LSAMP: variants seen among roughly 807,000 people sequenced by gnomAD.
LSAMP encodes the protein limbic system-associated membrane protein.
LSAMP carries 7 observed loss-of-function variants against 38.6 expected under a neutral mutation model. That is an observed-to-expected ratio of 0.18 (90% confidence interval 0.10 to 0.34). The LOEUF (loss-of-function observed/expected upper bound fraction) is 0.34, where lower values mean the gene tolerates loss of function less well. Among genes scored for constraint, LSAMP ranks in the 10% least tolerant of loss-of-function variants. The pLI is 1.00. For missense variants in LSAMP, 313 were observed against 420.0 expected (o/e 0.75, Z 2.23); for synonymous variants, 154 against 166.8 (o/e 0.92, Z 0.59).
At chr3:115,854,954 T>C (rs1023296289) in intron 3 of LSAMP, among the ~76,000 whole-genome samples, 5 of 152,224 alleles carry the variant, frequency 3.3e-5, no homozygotes, top group African/African-American at 1.2e-4. Context: ...AAATAGTTAA[T>C]AATAATTTCA....
chr3:116,260,413 A>G (rs543597981), intron 1 of LSAMP, among the ~76,000 whole-genome samples: 29 of 152,014 alleles, frequency 1.9e-4, no homozygotes, highest in African/African-American at 7.0e-4. Context: ...TATAAATAAT[A>G]ATGAACTGCT....
At chr3:115,892,943 G>T (rs191556598) in intron 3 of LSAMP, among the ~76,000 whole-genome samples, 115 of 151,800 alleles carry the variant, frequency 7.6e-4, no homozygotes, top group African/African-American at 2.6e-3. Context: ...GGGTATGGGA[G>T]TATGTGAAGC....
intron 1 of LSAMP, among the ~76,000 whole-genome samples, chr3:116,440,076 C>T (rs1404865928): frequency 6.6e-6 from 1 of 152,194 alleles, no homozygotes; most frequent in Non-Finnish European, 1.5e-5. Flanking sequence ...AAGAGACTTG[C>T]TTAAAGTTAC....
intron 2 of LSAMP, among the ~76,000 whole-genome samples, chr3:116,071,335 G>GT (rs1311919036): frequency 0.081 from 11,565 of 142,098 alleles, 1,271 homozygotes; most frequent in African/African-American, 0.25. Context: ...AATCATGAGG[G>GT]TTTTTTTTTT....
intron 2 of LSAMP, among the ~76,000 whole-genome samples, chr3:116,057,932 TACACACACACACACACACACACACCCAC>T (rs1366780044): frequency 7.3e-6 from 1 of 136,660 alleles, no homozygotes; most frequent in Non-Finnish European, 1.6e-5. Context: ...ATATAGTAGC[TACACACACACACACACACACACACCCAC>T]ACACACACAC....
At chr3:116,204,656 G>A (rs1294659493) in intron 1 of LSAMP, among the ~76,000 whole-genome samples, 1 of 151,970 alleles carries the variant, frequency 6.6e-6, no homozygotes, top group Non-Finnish European at 1.5e-5. Flanking sequence ...TATTAATTAG[G>A]GAATCCTTTC....
chr3:116,064,785 A>G (rs530591608), intron 2 of LSAMP, among the ~76,000 whole-genome samples: 2 of 152,310 alleles, frequency 1.3e-5, no homozygotes, highest in South Asian at 2.1e-4. Flanking sequence ...ATAGAAAAGG[A>G]AACTCCAGCA....
Position 116,070,402 on chromosome 3 carries a change from C to A in LSAMP, c.388+15922G>T, listed in dbSNP as rs535497451. 2.6e-5 allele frequency among the ~76,000 whole-genome samples: 4 copies of A among 152,140 alleles called. No homozygotes were observed. The South Asian group carries it at 8.3e-4, about 32-fold the overall frequency. On this transcript the variant is annotated intron_variant, in intron 2 of 6. Transcript: ENST00000490035. ...GGGGAAAAGAGAATTATTAGAGTTGCTCGTGGTTAGAGACAGAAGAGATCA... is the reference window on the plus strand; with the variant it reads ...GGGGAAAAGAGAATTATTAGAGTTGATCGTGGTTAGAGACAGAAGAGATCA...
chr3:115,913,094 G>A (rs758291346), intron 3 of LSAMP, among the ~76,000 whole-genome samples: 1 of 152,184 alleles, frequency 6.6e-6, no homozygotes, highest in Non-Finnish European at 1.5e-5. Flanking sequence ...TAGAAAACAC[G>A]TGATGTTTAT....
intron 3 of LSAMP, among the ~76,000 whole-genome samples, chr3:115,940,529 C>A (rs571087873): frequency 6.6e-6 from 1 of 152,292 alleles, no homozygotes; most frequent in East Asian, 1.9e-4. Context: ...GCTGGCTTCA[C>A]CTCTCAGTTT....
chr3:116,061,754 G>A (rs1019677457), intron 2 of LSAMP, among the ~76,000 whole-genome samples: 3 of 152,014 alleles, frequency 2.0e-5, no homozygotes, highest in East Asian at 1.9e-4. Flanking sequence ...TTGTTTTTTT[G>A]TTATGTTATC....
chr3:116,022,187 C>T (rs1235041993), intron 2 of LSAMP, among the ~76,000 whole-genome samples: 1 of 151,832 alleles, frequency 6.6e-6, no homozygotes, highest in Admixed American at 6.6e-5. Flanking sequence ...ACATATGATG[C>T]AGTGTTTTTT....
chr3:115,844,511 G>A (rs867130892), intron 4 of LSAMP, among the ~76,000 whole-genome samples: 21 of 152,286 alleles, frequency 1.4e-4, no homozygotes, highest in Middle Eastern at 3.4e-3. Flanking sequence ...TGGTAATAGT[G>A]GTGCTGTGGG....
At chr3:116,145,596 C>T (rs1709473112) in intron 1 of LSAMP, among the ~76,000 whole-genome samples, 1 of 151,812 alleles carries the variant, frequency 6.6e-6, no homozygotes, top group African/African-American at 2.4e-5. Flanking sequence ...AATCAGATCC[C>T]CCCCAAAAAA....
intron 1 of LSAMP, among the ~76,000 whole-genome samples, chr3:116,258,885 A>G (rs1041367451): frequency 6.6e-6 from 1 of 152,142 alleles, no homozygotes; most frequent in Non-Finnish European, 1.5e-5. Flanking sequence ...CTTCTTATCA[A>G]AAGGTTTACG....
chr3:116,039,084 G>C (rs1388524136), intron 2 of LSAMP, among the ~76,000 whole-genome samples: 1 of 152,176 alleles, frequency 6.6e-6, no homozygotes. Context: ...AGAACCACAG[G>C]CATAGAGAAT....
At chr3:116,269,582 A>G (rs1338898857) in intron 1 of LSAMP, among the ~76,000 whole-genome samples, 1 of 152,110 alleles carries the variant, frequency 6.6e-6, no homozygotes, top group Non-Finnish European at 1.5e-5. Flanking sequence ...TCAAGCTAAC[A>G]TTGGGCTTAT....
intron 1 of LSAMP, among the ~76,000 whole-genome samples, chr3:116,406,715 C>T (rs1018150187): frequency 3.9e-5 from 6 of 151,940 alleles, no homozygotes; most frequent in African/African-American, 1.5e-4. Flanking sequence ...CTCCTGTTCT[C>T]CATGCACACA....
chr3:115,846,917 T>C, intron 4 of LSAMP, among the ~76,000 whole-genome samples: 1 of 152,196 alleles, frequency 6.6e-6, no homozygotes, highest in East Asian at 1.9e-4. Flanking sequence ...ATCTCTGCTA[T>C]TGCCACTTGG....
Sources: gnomAD v4.1 joint callset for allele counts (sites outside exome capture counted in the v4.1 genomes callset) on GRCh38, gnomAD v4.1.1 for gene constraint, MANE v1.5 for transcripts, NCBI Gene and HGNC (gene_info 2026-07-23, HGNC 2026-07-21) for gene names.